The following SCHIP1 variants were observed in gnomAD, a reference collection of about 807,000 sequenced individuals.
SCHIP1 encodes the protein schwannomin interacting protein 1.
SCHIP1 carries 8 observed loss-of-function variants against 29.7 expected under a neutral mutation model. The ratio of observed to expected loss-of-function variants is 0.27; its 90% CI spans 0.16 to 0.49. The LOEUF (loss-of-function observed/expected upper bound fraction) is 0.49. Ranked by LOEUF, SCHIP1 falls within the 20% of genes least tolerant of loss-of-function variation. SCHIP1 has a pLI of 0.99. For missense variants in SCHIP1, 193 were observed against 294.6 expected, an observed-to-expected ratio of 0.66 and a Z score of 2.52; for synonymous variants, 76 against 94.9, an observed-to-expected ratio of 0.80 and a Z score of 1.16.
chr3:159,604,974 A>T, the SCHIP1 span, among the ~76,000 whole-genome samples: 1 of 152,198 alleles, frequency 6.6e-6, no homozygotes, highest in Non-Finnish European at 1.5e-5. Flanking sequence ...ATTTTCAATG[A>T]CATTTGCTAA....
At chr3:159,297,129 TGTG>T in the SCHIP1 span, among the ~76,000 whole-genome samples, 7 of 19,346 alleles carry the variant, frequency 3.6e-4, no homozygotes, top group East Asian at 2.1e-3. Context: ...TATTCCATTG[TGTG>T]TGTGTGTGTG....
the SCHIP1 span, among the ~76,000 whole-genome samples, chr3:159,793,264 C>G: frequency 6.6e-6 from 1 of 152,142 alleles, no homozygotes; most frequent in Admixed American, 6.5e-5. Flanking sequence ...CTCTGTCTCT[C>G]TGTCTCTCTC....
chr3:159,396,573 C>CT, the SCHIP1 span, among the ~76,000 whole-genome samples: 2 of 149,872 alleles, frequency 1.3e-5, no homozygotes, highest in Admixed American at 1.3e-4. Flanking sequence ...TTCTCCTTCA[C>CT]TTATAAAGCT....
chr3:159,522,433 GGTTT>G, the SCHIP1 span, among the ~76,000 whole-genome samples: 1 of 152,138 alleles, frequency 6.6e-6, no homozygotes, highest in African/African-American at 2.4e-5. Context: ...AGGTTTCCAA[GGTTT>G]GTTTTATTTA....
chr3:159,436,529 G>T, the SCHIP1 span, among the ~76,000 whole-genome samples: 1 of 152,066 alleles, frequency 6.6e-6, no homozygotes, highest in African/African-American at 2.4e-5. Context: ...TTTCTTGGCT[G>T]CATTCATCTT....
chr3:159,693,474 A>C, the SCHIP1 span, among the ~76,000 whole-genome samples: 3 of 152,332 alleles, frequency 2.0e-5, no homozygotes, highest in Non-Finnish European at 2.9e-5. Context: ...GAAAGGATTA[A>C]TTGGATCCTG....
chr3:159,477,835 TC>T, the SCHIP1 span, among the ~76,000 whole-genome samples: 3 of 152,036 alleles, frequency 2.0e-5, no homozygotes, highest in South Asian at 4.1e-4. Flanking sequence ...AGGGTCATAT[TC>T]AAAAAATTAT....
intron 2 of SCHIP1, among the ~76,000 whole-genome samples, chr3:159,870,487 C>T (rs1715139382): frequency 6.6e-6 from 1 of 151,898 alleles, no homozygotes; most frequent in Non-Finnish European, 1.5e-5. Flanking sequence ...AGAAAAAGTA[C>T]AATTTCACTC....
the SCHIP1 span, among the ~76,000 whole-genome samples, chr3:159,821,269 C>T: frequency 1.3e-5 from 2 of 152,150 alleles, no homozygotes; most frequent in African/African-American, 2.4e-5. Context: ...AAATTGTAGA[C>T]AGCAAGTCTG....
At chr3:159,474,858 C>T in the SCHIP1 span, among the ~76,000 whole-genome samples, 1 of 152,110 alleles carries the variant, frequency 6.6e-6, no homozygotes, top group African/African-American at 2.4e-5. Context: ...ATGTTTTTGA[C>T]AATTACTTTA....
At chr3:159,835,286 A>G (rs1435685841), upstream of SCHIP1, among the ~76,000 whole-genome samples, 1 of 152,206 alleles carries the variant, frequency 6.6e-6, no homozygotes, top group Non-Finnish European at 1.5e-5. Context: ...TCCTCAGGCC[A>G]TCTGAGCATA....
At chr3:159,509,219 G>A in the SCHIP1 span, among the ~76,000 whole-genome samples, 4 of 152,188 alleles carry the variant, frequency 2.6e-5, no homozygotes, top group African/African-American at 9.7e-5. Context: ...TTACCATTAT[G>A]TAATGGCCTT....
chr3:159,551,170 T>G, the SCHIP1 span, among the ~76,000 whole-genome samples: 1 of 152,142 alleles, frequency 6.6e-6, no homozygotes, highest in Non-Finnish European at 1.5e-5. Context: ...CTTGAAAAAG[T>G]CTATGATTCC....
chr3:159,762,739 G>C, the SCHIP1 span, among the ~76,000 whole-genome samples: 1 of 152,200 alleles, frequency 6.6e-6, no homozygotes, highest in African/African-American at 2.4e-5. Context: ...CCAAGTGTTG[G>C]TATTTTTCAT....
intron 1 of SCHIP1, among the ~76,000 whole-genome samples, chr3:159,843,729 A>C (rs1042616088): frequency 2.0e-5 from 3 of 149,560 alleles, no homozygotes; most frequent in Non-Finnish European, 3.0e-5. Context: ...AGGCTGATGC[A>C]GGAGAATGGT....
the SCHIP1 span, among the ~76,000 whole-genome samples, chr3:159,568,688 G>A: frequency 6.6e-6 from 1 of 152,096 alleles, no homozygotes; most frequent in African/African-American, 2.4e-5. Context: ...ATTGGTGAGT[G>A]CAAGTCTGTG....
chr3:159,888,666 G>A, intron 4 of SCHIP1, 154 bp from the exon 6 acceptor site: 3 of 1,096,012 alleles, frequency 2.7e-6, no homozygotes, highest in Non-Finnish European at 3.8e-6. Flanking sequence ...TGGATGTAGG[G>A]CCCCACATTG....
the SCHIP1 span, among the ~76,000 whole-genome samples, chr3:159,610,450 T>C: frequency 2.6e-5 from 4 of 152,204 alleles, no homozygotes; most frequent in African/African-American, 7.2e-5. Context: ...GATTCAATAT[T>C]GTATTTGTCT....
chr3:159,745,974 TATG>T, the SCHIP1 span, among the ~76,000 whole-genome samples: 2 of 152,168 alleles, frequency 1.3e-5, no homozygotes, highest in South Asian at 4.1e-4. Flanking sequence ...CTTAAAATGA[TATG>T]ATATCTGGGA....
Sources: allele counts gnomAD v4.1 joint callset (sites outside exome capture counted in the v4.1 genomes callset), GRCh38; gene constraint gnomAD v4.1.1; transcripts MANE v1.5; gene names NCBI Gene and HGNC (gene_info 2026-07-23, HGNC 2026-07-21).